Variants in RGS7 observed in about 807,000 individuals in gnomAD.
The protein encoded by RGS7 is regulator of G-protein signaling 7.
Under a neutral mutation model 81.1 loss-of-function variants are expected in RGS7, and 27 were observed. That is an observed-to-expected ratio of 0.33 (90% confidence interval 0.25 to 0.46). The LOEUF is 0.46. RGS7 is among the 20% of genes least tolerant of loss of function. RGS7 has a pLI of 1.00. For missense variants in RGS7, 396 were observed against 607.4 expected (o/e 0.65, Z 3.66); for synonymous variants, 208 against 207.7 (o/e 1.00, Z -0.01).
chr1:241,323,363 C>T (rs183991412), intron 2 of RGS7, among the ~76,000 whole-genome samples: 26 of 152,332 alleles, frequency 1.7e-4, no homozygotes, highest in East Asian at 1.2e-3. Context: ...GCTAGAGAGG[C>T]GCCTGTCAGC....
At chr1:241,137,532 A>T (rs1443457960) in intron 2 of RGS7, among the ~76,000 whole-genome samples, 1 of 152,176 alleles carries the variant, frequency 6.6e-6, no homozygotes, top group Non-Finnish European at 1.5e-5. Context: ...CAGATCCTGA[A>T]TGTTCAACTG....
chr1:241,080,765 C>G (rs2148895061), intron 3 of RGS7, among the ~76,000 whole-genome samples: 1 of 152,242 alleles, frequency 6.6e-6, no homozygotes, highest in African/African-American at 2.4e-5. Flanking sequence ...TGACTGGTAA[C>G]AAGTTCTACC....
chr1:241,327,889 G>T (rs80076229), intron 2 of RGS7, among the ~76,000 whole-genome samples: 7 of 151,994 alleles, frequency 4.6e-5, no homozygotes, highest in African/African-American at 1.5e-4. Context: ...ATAGAAAAAG[G>T]CTTCTTAGAG....
intron 2 of RGS7, among the ~76,000 whole-genome samples, chr1:241,151,587 T>A (rs982307255): frequency 6.7e-6 from 1 of 148,596 alleles, no homozygotes; most frequent in Non-Finnish European, 1.5e-5. Flanking sequence ...TTTTTTTTTT[T>A]ACTTTAAGTT....
At chr1:241,197,637 C>T (rs2073175497) in intron 2 of RGS7, among the ~76,000 whole-genome samples, 1 of 151,798 alleles carries the variant, frequency 6.6e-6, no homozygotes, top group South Asian at 2.1e-4. Flanking sequence ...AATGATAGAA[C>T]AGTCAATCCA....
intron 2 of RGS7, among the ~76,000 whole-genome samples, chr1:241,240,405 G>T (rs2076206780): frequency 6.6e-6 from 1 of 152,210 alleles, no homozygotes; most frequent in Admixed American, 6.5e-5. Flanking sequence ...AGATAGGTTT[G>T]ATGGAGCTGG....
At chr1:240,881,993 T>C (rs1666483558) in intron 6 of RGS7, among the ~76,000 whole-genome samples, 2 of 152,006 alleles carry the variant, frequency 1.3e-5, no homozygotes, top group Non-Finnish European at 1.5e-5. Flanking sequence ...CAGCTCACTG[T>C]TATCTCCACC....
At chr1:241,134,332 T>A (rs2067337008) in intron 2 of RGS7, among the ~76,000 whole-genome samples, 1 of 152,172 alleles carries the variant, frequency 6.6e-6, no homozygotes, top group South Asian at 2.1e-4. Context: ...GGAAACCATA[T>A]GACAAATCCA....
At chr1:240,853,764 T>C (rs1572422434) in intron 9 of RGS7, among the ~76,000 whole-genome samples, 1 of 151,440 alleles carries the variant, frequency 6.6e-6, no homozygotes, top group Non-Finnish European at 1.5e-5. Context: ...TAGCCGGGCG[T>C]GGTGCGGGCA....
chr1:241,210,427 C>T (rs1417506647), intron 2 of RGS7, among the ~76,000 whole-genome samples: 1 of 152,082 alleles, frequency 6.6e-6, no homozygotes. Context: ...GGATTACAGG[C>T]GTGAGCCACC....
chr1:240,869,493 C>T (rs182138909), intron 7 of RGS7, among the ~76,000 whole-genome samples: 1 of 152,228 alleles, frequency 6.6e-6, no homozygotes, highest in Admixed American at 6.5e-5. Flanking sequence ...ACAGTTAAGT[C>T]GATTTTAGAA....
chr1:240,811,688 A>G (rs529206890), intron 14 of RGS7, among the ~76,000 whole-genome samples: 1 of 152,366 alleles, frequency 6.6e-6, no homozygotes, highest in Non-Finnish European at 1.5e-5. Flanking sequence ...TGTATAGTTA[A>G]AACATCTGGA....
intron 3 of RGS7, among the ~76,000 whole-genome samples, chr1:241,042,618 A>T (rs994680793): frequency 2.0e-5 from 3 of 152,086 alleles, no homozygotes; most frequent in Non-Finnish European, 4.4e-5. Context: ...ATTTTATTGG[A>T]GCATGCTTCA....
At chr1:241,116,653 AT>A (rs897039175) in intron 2 of RGS7, among the ~76,000 whole-genome samples, 2 of 152,130 alleles carry the variant, frequency 1.3e-5, no homozygotes, top group African/African-American at 4.8e-5. Flanking sequence ...CATTCTGTAA[AT>A]TTTTTTTAGT....
intron 2 of RGS7, among the ~76,000 whole-genome samples, chr1:241,131,249 T>C (rs1228716068): frequency 6.6e-6 from 1 of 152,158 alleles, no homozygotes; most frequent in African/African-American, 2.4e-5. Context: ...CAAATGACAA[T>C]TTAGAAATGT....
intron 3 of RGS7, among the ~76,000 whole-genome samples, chr1:241,082,718 T>C (rs571783133): frequency 2.2e-4 from 34 of 152,286 alleles, no homozygotes; most frequent in South Asian, 1.7e-3. Flanking sequence ...AAGAGAAGAA[T>C]TGTAATGTTC....
chr1:241,117,607 T>C (rs1392084476), intron 2 of RGS7, among the ~76,000 whole-genome samples: 1 of 152,138 alleles, frequency 6.6e-6, no homozygotes, highest in Non-Finnish European at 1.5e-5. Flanking sequence ...ACTGCAGCAA[T>C]GAGAAAACTC....
chr1:241,163,223 A>T lies in RGS7; in HGVS notation c.79-64461T>A, dbSNP rs1482057476. ...TTGGCAGTGACCTCCTAACTTTATC[A>T]GTGAAAAGAAGGTGATTTCACTCAG... On this transcript the variant is annotated intron_variant, in intron 2 of 18. Coordinates refer to ENST00000440928, the MANE Select transcript of RGS7 (RefSeq NM_001364886.1). This position sits in a 1 kb window ranked among gnomAD's most constrained non-coding sequence, Gnocchi z 4.6. Among the ~76,000 whole-genome samples, 1 of 152,196 alleles carries T rather than the reference A, an allele frequency of 6.6e-6. No homozygotes were observed. Among genetic ancestry groups the T allele is most frequent in the Non-Finnish European group, 1.5e-5 (1 of 68,038 alleles).
intron 2 of RGS7, among the ~76,000 whole-genome samples, chr1:241,300,081 C>T (rs1287442189): frequency 1.3e-5 from 2 of 151,786 alleles, no homozygotes; most frequent in African/African-American, 4.8e-5. Context: ...CGCCACTGCA[C>T]TCCAACCTGG....
Sources: allele counts gnomAD v4.1 joint callset (sites outside exome capture counted in the v4.1 genomes callset), GRCh38; gene constraint gnomAD v4.1.1; non-coding constraint Gnocchi (gnomAD v3.1); transcripts MANE v1.5; gene names NCBI Gene and HGNC (gene_info 2026-07-23, HGNC 2026-07-21).